SVOPL: variants seen among roughly 807,000 people sequenced by gnomAD.
The protein encoded by SVOPL is SVOP like, also known as putative transporter SVOPL.
A neutral mutation model predicts 61.0 loss-of-function variants in SVOPL; 60 were observed. The ratio of observed to expected loss-of-function variants is 0.98; its 90% CI spans 0.80 to 1.22. The LOEUF (loss-of-function observed/expected upper bound fraction) is 1.22. Ranked by LOEUF, SVOPL falls within the 50% of genes most tolerant of loss-of-function variation. The pLI is 0.00. For synonymous variants in SVOPL, 279 were observed against 250.0 expected (o/e 1.12, Z -1.09); for missense variants, 662 against 643.9 (o/e 1.03, Z -0.30).
At chr7:138,651,834 T>C (rs1424953785) in intron 7 of SVOPL, among the ~76,000 whole-genome samples, 1 of 152,170 alleles carries the variant, frequency 6.6e-6, no homozygotes, top group African/African-American at 2.4e-5. Flanking sequence ...TACAACAGTA[T>C]TGAAATTTGA....
chr7:138,638,758 C>A (rs997304969), intron 9 of SVOPL, among the ~76,000 whole-genome samples: 1 of 152,048 alleles, frequency 6.6e-6, no homozygotes, highest in African/African-American at 2.4e-5. Flanking sequence ...TTAAATATTG[C>A]AAATGTGTGT....
intron 14 of SVOPL, among the ~76,000 whole-genome samples, chr7:138,611,918 G>A (rs1489677395): frequency 1.7e-4 from 3 of 18,106 alleles, no homozygotes; most frequent in East Asian, 1.2e-3. Context: ...ATTGAGAACG[G>A]GCCAGGATGA....
chr7:138,649,249 C>T, intron 7 of SVOPL, 112 bp from the exon 8 acceptor site: 2 of 1,325,186 alleles, frequency 1.5e-6, no homozygotes, highest in Non-Finnish European at 2.0e-6. Context: ...GTCCCATGTG[C>T]TTCACATATC....
chr7:138,677,128 T>G (rs2117119373), intron 3 of SVOPL, among the ~76,000 whole-genome samples: 1 of 152,208 alleles, frequency 6.6e-6, no homozygotes, highest in Admixed American at 6.5e-5. Context: ...ATGGTCTCGA[T>G]ATCCTGACCT....
chr7:138,681,659 A>C (rs7805117), intron 1 of SVOPL, among the ~76,000 whole-genome samples: 49,109 of 151,884 alleles, frequency 0.32, 10,709 homozygotes, highest in African/African-American at 0.63. Flanking sequence ...CCCCGTCTCT[A>C]CTAGAAATGG....
Position 138,628,094 on chromosome 7 carries a change from C to G in SVOPL, c.1069+64G>C. The G allele has an allele frequency of 1.9e-6, 3 of 1,581,174 alleles. No homozygotes were observed. The South Asian group carries it at 3.4e-5, about 18-fold the overall frequency. ...TGTCACAGGGTCACACTTCTCTCAG[C>G]TAAGACTCAAGTGCACATAGACCAC... On this transcript the variant is annotated intron_variant, in intron 11 of 15. Coordinates refer to ENST00000674285, the MANE Select transcript of SVOPL (RefSeq NM_001139456.2).
chr7:138,621,898 C>A (rs1286113934), intron 13 of SVOPL, among the ~76,000 whole-genome samples: 4 of 116,528 alleles, frequency 3.4e-5, no homozygotes, highest in African/African-American at 1.2e-4. Context: ...ATCTATCTAT[C>A]TATCTATGTA....
intron 6 of SVOPL, among the ~76,000 whole-genome samples, 193 bp from the exon 7 acceptor site, chr7:138,656,704 G>T (rs993512134): frequency 1.3e-5 from 2 of 152,102 alleles, no homozygotes; most frequent in African/African-American, 4.8e-5. Context: ...TTGCTCCTGG[G>T]TTTACATCTT....
intron 14 of SVOPL, among the ~76,000 whole-genome samples, chr7:138,606,667 C>A (rs1233041044): frequency 6.6e-6 from 1 of 152,126 alleles, no homozygotes. Context: ...TAAAAGAATT[C>A]TACAGGCCAG....
intron 14 of SVOPL, among the ~76,000 whole-genome samples, chr7:138,611,136 C>T (rs944629053): frequency 2.6e-5 from 4 of 152,210 alleles, no homozygotes. Context: ...CAGCACTTTT[C>T]GGAAGCCAAG....
chr7:138,687,548 T>A (rs553909330), intron 1 of SVOPL, among the ~76,000 whole-genome samples: 107 of 151,946 alleles, frequency 7.0e-4, no homozygotes, highest in Non-Finnish European at 1.2e-3. Flanking sequence ...ACATTTTTTT[T>A]ATTTTAATTT....
intron 4 of SVOPL, among the ~76,000 whole-genome samples, chr7:138,663,963 A>G (rs1363891520): frequency 2.0e-5 from 3 of 152,058 alleles, no homozygotes; most frequent in Non-Finnish European, 4.4e-5. Flanking sequence ...CATTTCTCCC[A>G]CACTGAACCA....
chr7:138,683,116 G>T (rs985481978), intron 1 of SVOPL, among the ~76,000 whole-genome samples: 5 of 152,026 alleles, frequency 3.3e-5, no homozygotes, highest in African/African-American at 1.2e-4. Context: ...ATGGTATTAT[G>T]GCTACGGTAT....
chr7:138,695,221 C>T (rs1803039566), intron 1 of SVOPL, among the ~76,000 whole-genome samples: 3 of 152,272 alleles, frequency 2.0e-5, no homozygotes, highest in African/African-American at 7.2e-5. Flanking sequence ...GGAAGAAAGA[C>T]AAGCATTCCG....
At chr7:138,661,207 C>A (rs1420035782) in intron 5 of SVOPL, 21 of 985,230 alleles carry the variant, frequency 2.1e-5, no homozygotes, top group Middle Eastern at 5.2e-4. Flanking sequence ...ATAGAAAAGA[C>A]AGACCTGGGT....
chr7:138,688,194 A>G (rs1802862010), intron 1 of SVOPL, among the ~76,000 whole-genome samples: 1 of 152,216 alleles, frequency 6.6e-6, no homozygotes, highest in East Asian at 1.9e-4. Context: ...AAGAGACTCA[A>G]CATCATTGGT....
chr7:138,660,941 A>G, intron 5 of SVOPL: 1 of 983,672 alleles, frequency 1.0e-6, no homozygotes, highest in South Asian at 4.7e-5. Flanking sequence ...ATAAGGAAAA[A>G]TTATATCTTG....
intron 8 of SVOPL, 71 bp from the exon 9 acceptor site, chr7:138,644,916 C>G: frequency 1.9e-6 from 3 of 1,578,070 alleles, no homozygotes; most frequent in Non-Finnish European, 2.6e-6. Flanking sequence ...TATTATTGCT[C>G]TATACACTAC....
chr7:138,596,717 C>G, intron 14 of SVOPL, 187 bp from the exon 15 acceptor site: 1 of 1,308,418 alleles, frequency 7.6e-7, no homozygotes, highest in Non-Finnish European at 9.8e-7. Context: ...TGTGATTAGT[C>G]CAAGAACAGG....
Sources: allele counts gnomAD v4.1 joint callset (sites outside exome capture counted in the v4.1 genomes callset), GRCh38; gene constraint gnomAD v4.1.1; transcripts MANE v1.5; gene names NCBI Gene and HGNC (gene_info 2026-07-23, HGNC 2026-07-21).